The following B3GAT1 variants were observed in gnomAD, a reference collection of about 807,000 sequenced individuals.
The protein encoded by B3GAT1 is beta-1,3-glucuronyltransferase 1, also known as galactosylgalactosylxylosylprotein 3-beta-glucuronosyltransferase 1.
B3GAT1 carries 11 observed loss-of-function variants against 28.4 expected under a neutral mutation model. That is an observed-to-expected ratio of 0.39 (90% CI 0.24 to 0.64). The LOEUF is 0.64. Ranked by LOEUF, B3GAT1 falls within the 30% of genes least tolerant of loss-of-function variation. The pLI is 0.50. For synonymous variants in B3GAT1, 255 were observed against 223.1 expected (o/e 1.14, Z -1.27); for missense variants, 375 against 491.0 (o/e 0.76, Z 2.23).
In B3GAT1 at chr11:134,408,056, T is replaced by C. The variant is rs531564336; in HGVS notation, c.-282+3751A>G. ...TAGACACGAAAGTATTATTTTGTGT[T>C]TGGCAAGGACGAACTCTGAGCCAAG... is the stretch of plus-strand genomic sequence containing the variant. On this transcript the variant is annotated intron_variant, in intron 1 of 5. Transcript: ENST00000312527. Among the ~76,000 whole-genome samples, 42 of 152,364 alleles carry C rather than the reference T, an allele frequency of 2.8e-4. No individual in the cohort carries two copies. The South Asian group carries it at 2.9e-3, about 11-fold the overall frequency.
intron 1 of B3GAT1, among the ~76,000 whole-genome samples, chr11:134,399,229 C>T (rs1379126304): frequency 6.6e-6 from 1 of 152,204 alleles, no homozygotes; most frequent in East Asian, 1.9e-4. Flanking sequence ...ATCAGCCGTG[C>T]ACATCATTCC....
In B3GAT1 at chr11:134,387,596, T is replaced by C. The variant is rs1944318590; in HGVS notation, c.64A>G (p.Thr22Ala). 6.2e-7 allele frequency: 1 copy of C among 1,613,898 alleles called. No individual in the cohort carries two copies. The highest frequency in any genetic ancestry group is 1.3e-5 in the African/African-American group (1 of 74,878). The change falls in exon 2 of 6, where the codon ACT becomes GCT. Residue 22 changes from threonine to alanine, a missense_variant. Physicochemically the swap from Thr to Ala is moderately conservative, Grantham distance 58. Coordinates refer to ENST00000312527, the MANE Select transcript of B3GAT1 (RefSeq NM_054025.3). ...GCGAGGGTGCTCTGGTGCCAGACAG[T>C]GATGAGCAGAGTCCAGGGCAGCACG... Reference protein sequence around the residue: ...LIVLPWTLLITVWHQSTLAPL... With the variant: ...LIVLPWTLLIAVWHQSTLAPL...
chr11:134,403,909 C>T lies in B3GAT1; in HGVS notation c.-282+7898G>A, dbSNP rs568137738. Among the ~76,000 whole-genome samples, 3 of 144,708 alleles carry T rather than the reference C, an allele frequency of 2.1e-5. No individual in the cohort carries two copies. In the Admixed American group the frequency reaches 2.1e-4, roughly 10 times the overall value. The allele number at this position is 144,708 out of a possible 152,430, so 94.9% of individuals were successfully genotyped here. On this transcript the variant is annotated intron_variant, in intron 1 of 5. Transcript: ENST00000312527. ...GTAGTAAAATTCATAGAGACAGAAA[C>T]TAGGATGGTGGCTTGTGGGGGCTGG...
At chr11:134,400,350 G>A (rs1169841969) in intron 1 of B3GAT1, among the ~76,000 whole-genome samples, 1 of 152,194 alleles carries the variant, frequency 6.6e-6, no homozygotes, top group Non-Finnish European at 1.5e-5. Context: ...CAAAGCAGGA[G>A]CTATGCCAAT....
chr11:134,408,159 G>T (rs188665622), intron 1 of B3GAT1, among the ~76,000 whole-genome samples: 5 of 151,938 alleles, frequency 3.3e-5, no homozygotes, highest in African/African-American at 1.2e-4. Flanking sequence ...GACTCAAGCG[G>T]GTGAGGAGGG....
intron 2 of B3GAT1, chr11:134,386,734 C>T (rs1171336615): frequency 1.3e-5 from 2 of 152,206 alleles, no homozygotes; most frequent in Non-Finnish European, 2.9e-5. Context: ...TGGTCGCTTT[C>T]CTTGCATGTC....
At chr11:134,403,512 T>A (rs541561890) in intron 1 of B3GAT1, among the ~76,000 whole-genome samples, 1 of 152,232 alleles carries the variant, frequency 6.6e-6, no homozygotes, top group Admixed American at 6.5e-5. Flanking sequence ...AGATGCCAGG[T>A]AGAATGGGGT....
chr11:134,381,760 T>G (rs1258467715), intron 5 of B3GAT1, 164 bp downstream of exon 5: 1 of 603,828 alleles, frequency 1.7e-6, no homozygotes, highest in Non-Finnish European at 3.0e-6. Context: ...TACTTTCAGG[T>G]GGCCCAGTGG....
intron 1 of B3GAT1, among the ~76,000 whole-genome samples, chr11:134,395,421 T>C (rs877456): frequency 0.12 from 18,863 of 151,218 alleles, 1,253 homozygotes; most frequent in Non-Finnish European, 0.14. Context: ...GGAGTGGGGG[T>C]GCTTCTGCTT....
intron 3 of B3GAT1, among the ~76,000 whole-genome samples, chr11:134,383,219 A>T (rs536655628): frequency 6.6e-6 from 1 of 152,018 alleles, no homozygotes; most frequent in Non-Finnish European, 1.5e-5. Context: ...GGGACACCTG[A>T]CCTCTCAGAC....
intron 3 of B3GAT1, among the ~76,000 whole-genome samples, chr11:134,383,262 C>A (rs1944178291): frequency 6.6e-6 from 1 of 152,166 alleles, no homozygotes; most frequent in Admixed American, 6.5e-5. Flanking sequence ...CGTGGCCCTG[C>A]TGCTGTTTTC....
At chr11:134,382,090 T>A in intron 4 of B3GAT1, 66 bp from the exon 5 acceptor site, 2 of 1,324,036 alleles carry the variant, frequency 1.5e-6, no homozygotes, top group Non-Finnish European at 2.2e-6. Context: ...GCCTCCCTGC[T>A]CCCTCCCACA....
In B3GAT1 at chr11:134,383,914, C is replaced by T. The variant is rs1381830012; in HGVS notation, c.387G>A (p.Leu129=). 1.3e-6 allele frequency: 2 copies of T among 1,595,908 alleles called. No individual in the cohort carries two copies. Among genetic ancestry groups the T allele is most frequent in the East Asian group, 4.5e-5 (2 of 44,430 alleles). ...CGGTGTCGCGCAGCAGGCGCGCGGT[C>T]AGCGGCGTCCGGCGCGGCGCATCCT... ...VVEDAPRRTP[L]TARLLRDTGL... Residue 129 remains leucine, a synonymous_variant, in exon 3 of 6, where the codon CTG becomes CTA. Transcript: ENST00000312527.
intron 5 of B3GAT1, among the ~76,000 whole-genome samples, chr11:134,381,253 T>C (rs1036590059): frequency 1.3e-5 from 2 of 152,242 alleles, no homozygotes; most frequent in African/African-American, 4.8e-5. Flanking sequence ...TCTTTGCTTC[T>C]GAAGTGTAGG....
rs995758011 is a variant in B3GAT1, at chr11:134,411,753, A to T, written c.-282+54T>A. 7 of 152,700 alleles carry T rather than the reference A, an allele frequency of 4.6e-5. No homozygotes were observed. Among genetic ancestry groups the T allele is most frequent in the Non-Finnish European group, 8.7e-5 (6 of 68,690 alleles). The allele number at this position is 152,700 out of a possible 1,614,324, so 9.5% of individuals were successfully genotyped here. ...ATGGCGTGGGCACCGATGGGGACGC[A>T]GAAAGGGGCTCTGTGCGCGGCGGGG... is the stretch of plus-strand genomic sequence containing the variant. On this transcript the variant is annotated intron_variant, in intron 1 of 5. Coordinates refer to ENST00000312527, the MANE Select transcript of B3GAT1 (RefSeq NM_054025.3). This position sits in a 1 kb window ranked among gnomAD's most constrained non-coding sequence, Gnocchi z 6.0.
intron 1 of B3GAT1, among the ~76,000 whole-genome samples, chr11:134,397,060 G>C (rs1027762278): frequency 2.6e-5 from 4 of 152,092 alleles, no homozygotes; most frequent in African/African-American, 7.3e-5. Context: ...CCTTCTTTCT[G>C]TCATGGTCCC....
At chr11:134,388,412 TTCTC>T (rs537011738) in intron 1 of B3GAT1, 59 of 158,012 alleles carry the variant, frequency 3.7e-4, no homozygotes, top group Admixed American at 1.6e-3. Context: ...AGGTTTTATT[TTCTC>T]TCTCTCTTTT....
At position 134,411,156 on chromosome 11, in the gene B3GAT1, G is replaced by A. The variant is rs1944845732; in HGVS notation, c.-282+651C>T. On this transcript the variant is annotated intron_variant, in intron 1 of 5. Transcript: ENST00000312527. This position sits in a 1 kb window ranked among gnomAD's most constrained non-coding sequence, Gnocchi z 6.0. ...TCTCTATTTCCTGCCTCAACTCTCA[G>A]CCTCCTTTTTCTGGAAGTTGTGTGC... 6.6e-6 allele frequency among the ~76,000 whole-genome samples: 1 copy of A among 152,170 alleles called. No individual in the cohort carries two copies. The highest frequency in any genetic ancestry group is 6.5e-5 in the Admixed American group (1 of 15,288).
rs1248438262 is a variant in B3GAT1, at chr11:134,412,111, A to G, written c.-586T>C. ...CGGGGGGCGGGGGGCGGGGAGGGGG[A>G]GCGGGGAGGGGGAGCGGGGAGCGGG... On this transcript the variant is annotated 5_prime_UTR_variant, in exon 1 of 6. Coordinates refer to ENST00000312527, the MANE Select transcript of B3GAT1 (RefSeq NM_054025.3). Among the ~76,000 whole-genome samples, 23 of 72,376 alleles carry G rather than the reference A, an allele frequency of 3.2e-4. No individual in the cohort carries two copies. The highest frequency in any genetic ancestry group is 5.5e-4 in the Non-Finnish European group (18 of 32,860). 47.5% of individuals were successfully genotyped at this position (72,376 alleles called of 152,430 possible). A position where few individuals can be genotyped will look rare whatever the true frequency, so the allele number is the denominator to read the frequency against.
Sources: allele counts gnomAD v4.1 joint callset (sites outside exome capture counted in the v4.1 genomes callset), GRCh38; gene constraint gnomAD v4.1.1; non-coding constraint Gnocchi (gnomAD v3.1); transcripts MANE v1.5; gene names NCBI Gene and HGNC (gene_info 2026-07-23, HGNC 2026-07-21).